AGBL4: variants seen among roughly 807,000 people sequenced by gnomAD.
AGBL4 encodes AGBL carboxypeptidase 4.
Under a neutral mutation model 66.4 loss-of-function variants are expected in AGBL4, and 58 were observed. The observed-to-expected ratio is 0.87, with a 90% CI of 0.71 to 1.09. AGBL4 has a LOEUF of 1.09. Ranked by LOEUF, AGBL4 falls within the 50% of genes least tolerant of loss-of-function variation. The pLI is 0.00. For synonymous variants in AGBL4, 234 were observed against 222.9 expected (o/e 1.05, Z -0.44); for missense variants, 579 against 631.0 (o/e 0.92, Z 0.88).
At chr1:48,951,925 T>A (rs1223917220) in intron 5 of AGBL4, among the ~76,000 whole-genome samples, 1 of 152,246 alleles carries the variant, frequency 6.6e-6, no homozygotes, top group African/African-American at 2.4e-5. Flanking sequence ...TTATTTTCTC[T>A]ATTTTAAAGA....
chr1:48,932,838 A>G (rs561111197), intron 5 of AGBL4, among the ~76,000 whole-genome samples: 1 of 152,288 alleles, frequency 6.6e-6, no homozygotes, highest in Admixed American at 6.5e-5. Context: ...CCAAAAACAA[A>G]ACAAAACAAA....
At chr1:49,520,320 C>T (rs950212812) in intron 3 of AGBL4, among the ~76,000 whole-genome samples, 1 of 151,872 alleles carries the variant, frequency 6.6e-6, no homozygotes, top group Non-Finnish European at 1.5e-5. Flanking sequence ...AAAAATAAAA[C>T]AAAACAACCC....
At chr1:48,811,926 T>C (rs1448167437) in intron 6 of AGBL4, among the ~76,000 whole-genome samples, 1 of 152,136 alleles carries the variant, frequency 6.6e-6, no homozygotes, top group Non-Finnish European at 1.5e-5. Context: ...AGATGAAAGA[T>C]AAGGAACCGT....
intron 2 of AGBL4, among the ~76,000 whole-genome samples, chr1:49,711,484 C>T (rs1417097600): frequency 1.3e-5 from 2 of 151,940 alleles, no homozygotes; most frequent in Non-Finnish European, 2.9e-5. Context: ...TCACACAAAA[C>T]AAGGTACATA....
At chr1:48,595,713 T>C (rs1644984559) in intron 9 of AGBL4, among the ~76,000 whole-genome samples, 1 of 152,220 alleles carries the variant, frequency 6.6e-6, no homozygotes, top group Admixed American at 6.5e-5. Context: ...CATAATTTAG[T>C]GTGGAGTTTG....
chr1:49,058,717 G>T (rs891841567), intron 4 of AGBL4, among the ~76,000 whole-genome samples: 3 of 152,214 alleles, frequency 2.0e-5, no homozygotes, highest in Non-Finnish European at 4.4e-5. Context: ...ACTTCCTAGA[G>T]ACTTGTTGAA....
intron 4 of AGBL4, among the ~76,000 whole-genome samples, chr1:49,062,675 T>A (rs973429796): frequency 1.4e-4 from 21 of 152,128 alleles, no homozygotes; most frequent in Admixed American, 1.1e-3. Context: ...TTAATCATGT[T>A]CTCAATGACA....
chr1:49,129,286 GTTT>G (rs769440870), intron 4 of AGBL4, among the ~76,000 whole-genome samples: 2 of 113,360 alleles, frequency 1.8e-5, no homozygotes, highest in African/African-American at 2.6e-5. Context: ...GACTGTTTTT[GTTT>G]TTTTTGTTGT....
At chr1:49,996,037 C>T (rs1329329384) in intron 1 of AGBL4, 2 of 152,158 alleles carry the variant, frequency 1.3e-5, no homozygotes, top group African/African-American at 4.8e-5. Flanking sequence ...AAAGGAGCAC[C>T]CTATGGGACA....
chr1:49,798,447 T>TA (rs893769292), intron 2 of AGBL4, among the ~76,000 whole-genome samples: 2 of 152,204 alleles, frequency 1.3e-5, no homozygotes, highest in Admixed American at 1.3e-4. Flanking sequence ...TGCATGCATT[T>TA]AAATTTATCC....
chr1:49,517,646 TA>T (rs1201695689), intron 3 of AGBL4, among the ~76,000 whole-genome samples: 8 of 152,046 alleles, frequency 5.3e-5, no homozygotes, highest in Admixed American at 4.6e-4. Context: ...TTGCAGATAA[TA>T]AAACTGAGGC....
At chr1:49,938,098 G>T (rs1654301533) in intron 1 of AGBL4, among the ~76,000 whole-genome samples, 1 of 149,616 alleles carries the variant, frequency 6.7e-6, no homozygotes, top group Non-Finnish European at 1.5e-5. Context: ...TAGACCGCTA[G>T]CAAGACTAAT....
intron 4 of AGBL4, among the ~76,000 whole-genome samples, chr1:49,054,827 A>G (rs1644282202): frequency 6.6e-6 from 1 of 151,914 alleles, no homozygotes; most frequent in Admixed American, 6.6e-5. Context: ...ATCTACATTG[A>G]TTTTGTACTT....
In AGBL4 at chr1:48,864,877, T is replaced by C. The variant is rs536633100; in HGVS notation, c.634+2314A>G. On this transcript the variant is annotated intron_variant, in intron 6 of 13. Coordinates refer to ENST00000371839, the MANE Select transcript of AGBL4 (RefSeq NM_032785.4). ...CTGGCATATAAGACACATGTTGATA[T>C]GACAAAGCCAAGGGGTTGGCATGGG... is the stretch of plus-strand genomic sequence containing the variant. 7.2e-5 allele frequency among the ~76,000 whole-genome samples: 11 copies of C among 152,228 alleles called. No individual in the cohort carries two copies. The South Asian group carries it at 2.3e-3, about 32-fold the overall frequency.
chr1:48,749,856 T>C (rs557168438), intron 6 of AGBL4, among the ~76,000 whole-genome samples: 13 of 152,262 alleles, frequency 8.5e-5, no homozygotes, highest in Admixed American at 2.0e-4. Flanking sequence ...CAAGGAAGCA[T>C]TGAAGGCCCA....
chr1:49,463,913 T>C (rs1646569006), intron 3 of AGBL4, among the ~76,000 whole-genome samples: 1 of 151,800 alleles, frequency 6.6e-6, no homozygotes, highest in Non-Finnish European at 1.5e-5. Flanking sequence ...AGCTAAGTAC[T>C]ATAACTTCCT....
intron 2 of AGBL4, among the ~76,000 whole-genome samples, chr1:49,782,115 T>C (rs1347351982): frequency 6.6e-6 from 1 of 151,054 alleles, no homozygotes; most frequent in Non-Finnish European, 1.5e-5. Context: ...ATAATGAAGA[T>C]TGGAGTATAA....
At chr1:49,305,754 G>A (rs527856955) in intron 3 of AGBL4, among the ~76,000 whole-genome samples, 2 of 151,112 alleles carry the variant, frequency 1.3e-5, no homozygotes, top group South Asian at 4.2e-4. Context: ...GCAATGGCAC[G>A]ATTTTGGCTC....
chr1:49,164,057 T>C (rs1039906616), intron 4 of AGBL4, among the ~76,000 whole-genome samples: 3 of 152,172 alleles, frequency 2.0e-5, no homozygotes, highest in African/African-American at 7.2e-5. Flanking sequence ...GTGAATTTTA[T>C]AGGTTGTGTG....
Sources: gnomAD v4.1 joint callset for allele counts (sites outside exome capture counted in the v4.1 genomes callset) on GRCh38, gnomAD v4.1.1 for gene constraint, MANE v1.5 for transcripts, NCBI Gene and HGNC (gene_info 2026-07-23, HGNC 2026-07-21) for gene names.